The following PTPRM variants were observed in gnomAD, a reference collection of about 807,000 sequenced individuals.
The protein encoded by PTPRM is receptor-type tyrosine-protein phosphatase mu.
In PTPRM, 47 loss-of-function variants were observed where a neutral mutation model predicts 186.7. The ratio of observed to expected loss-of-function variants is 0.25; its 90% CI spans 0.20 to 0.32. PTPRM has a LOEUF of 0.32. Among genes scored for constraint, PTPRM ranks in the 10% least tolerant of loss-of-function variants. The pLI, the probability that PTPRM is intolerant of heterozygous loss-of-function variation, is 1.00. For synonymous variants in PTPRM, 668 were observed against 674.9 expected (o/e 0.99, Z 0.16); for missense variants, 1,494 against 1,865.0 (o/e 0.80, Z 3.66).
At chr18:8,312,417 G>A (rs613545) in intron 20 of PTPRM, among the ~76,000 whole-genome samples, 33,972 of 151,894 alleles carry the variant, frequency 0.22, 5,528 homozygotes, top group African/African-American at 0.45. Flanking sequence ...TCTGACTGCC[G>A]GTGAGTCTGT....
At chr18:8,102,876 C>G (rs1481446446) in intron 11 of PTPRM, among the ~76,000 whole-genome samples, 1 of 152,130 alleles carries the variant, frequency 6.6e-6, no homozygotes, top group East Asian at 1.9e-4. Flanking sequence ...TATAATAAGA[C>G]ATGAAAGTTA....
intron 19 of PTPRM, among the ~76,000 whole-genome samples, chr18:8,275,055 G>C (rs541719181): frequency 5.8e-4 from 89 of 152,292 alleles, no homozygotes; most frequent in African/African-American, 2.1e-3. Flanking sequence ...GCTAGATTTT[G>C]AAATCGTTAT....
At chr18:7,614,607 T>A (rs1347686961) in intron 1 of PTPRM, among the ~76,000 whole-genome samples, 1 of 152,240 alleles carries the variant, frequency 6.6e-6, no homozygotes, top group African/African-American at 2.4e-5. Flanking sequence ...TGTTTAATAA[T>A]CTGACTTTTA....
intron 1 of PTPRM, among the ~76,000 whole-genome samples, chr18:7,732,212 C>A (rs1170924280): frequency 6.6e-6 from 1 of 152,164 alleles, no homozygotes; most frequent in Non-Finnish European, 1.5e-5. Flanking sequence ...ATACCTTCCC[C>A]AGCCCTGGCC....
At chr18:7,806,908 T>A (rs1265639151) in intron 2 of PTPRM, among the ~76,000 whole-genome samples, 1 of 152,210 alleles carries the variant, frequency 6.6e-6, no homozygotes, top group Non-Finnish European at 1.5e-5. Context: ...CTTTGTTTTC[T>A]TTTTCTTTTT....
chr18:7,589,659 G>A (rs1162486969), intron 1 of PTPRM, among the ~76,000 whole-genome samples: 2 of 152,132 alleles, frequency 1.3e-5, no homozygotes, highest in Non-Finnish European at 2.9e-5. Flanking sequence ...GGCAAATACT[G>A]TATGTCTCTC....
intron 8 of PTPRM, among the ~76,000 whole-genome samples, chr18:8,074,506 A>G (rs2148471531): frequency 6.6e-6 from 1 of 152,280 alleles, no homozygotes; most frequent in East Asian, 1.9e-4. Context: ...TAGCGGCATG[A>G]CTTTACCTTC....
chr18:7,587,964 A>G (rs867398904), intron 1 of PTPRM, among the ~76,000 whole-genome samples: 2 of 152,180 alleles, frequency 1.3e-5, no homozygotes, highest in South Asian at 2.1e-4. Context: ...AAAAGAAATG[A>G]TATGACAGAT....
chr18:8,343,244 A>G (rs752962726), intron 22 of PTPRM, among the ~76,000 whole-genome samples, 179 bp from the exon 23 acceptor site: 1 of 152,224 alleles, frequency 6.6e-6, no homozygotes, highest in African/African-American at 2.4e-5. Flanking sequence ...CAAATTTGAT[A>G]TTTCTATAGG....
intron 15 of PTPRM, among the ~76,000 whole-genome samples, chr18:8,246,516 G>C (rs1273769034): frequency 6.6e-6 from 1 of 152,020 alleles, no homozygotes; most frequent in Non-Finnish European, 1.5e-5. Context: ...TTGACAGGAA[G>C]GTGAAGATAA....
intron 23 of PTPRM, among the ~76,000 whole-genome samples, chr18:8,361,787 C>G (rs552656934): frequency 1.3e-5 from 2 of 152,180 alleles, no homozygotes; most frequent in Non-Finnish European, 1.5e-5. Flanking sequence ...TAGGATTAGC[C>G]CCAAGCCCTC....
intron 2 of PTPRM, among the ~76,000 whole-genome samples, chr18:7,798,581 C>A (rs1205362612): frequency 6.6e-6 from 1 of 151,568 alleles, no homozygotes; most frequent in African/African-American, 2.4e-5. Context: ...ATCACAATTA[C>A]AAACAAAACT....
chr18:7,831,246 A>C (rs1212802574), intron 2 of PTPRM, among the ~76,000 whole-genome samples: 1 of 152,152 alleles, frequency 6.6e-6, no homozygotes, highest in African/African-American at 2.4e-5. Flanking sequence ...CTTTGAAATA[A>C]ATCTCTTGGG....
intron 13 of PTPRM, among the ~76,000 whole-genome samples, chr18:8,119,172 A>G (rs1322720891): frequency 1.3e-5 from 2 of 152,210 alleles, no homozygotes; most frequent in Non-Finnish European, 2.9e-5. Flanking sequence ...TGGAATGTGA[A>G]TATGGCTTAT....
chr18:7,820,442 C>A (rs1037388410), intron 2 of PTPRM, among the ~76,000 whole-genome samples: 3 of 152,202 alleles, frequency 2.0e-5, no homozygotes, highest in Non-Finnish European at 4.4e-5. Context: ...CAATAACCCC[C>A]AAATCCATTC....
intron 1 of PTPRM, among the ~76,000 whole-genome samples, chr18:7,606,638 C>T (rs1336656883): frequency 6.6e-6 from 1 of 152,190 alleles, no homozygotes; most frequent in African/African-American, 2.4e-5. Context: ...TGGTGACTTA[C>T]AGGTCCTGCT....
At chr18:8,118,341 G>C (rs2092034486) in intron 13 of PTPRM, among the ~76,000 whole-genome samples, 1 of 151,990 alleles carries the variant, frequency 6.6e-6, no homozygotes, top group Admixed American at 6.6e-5. Flanking sequence ...GTTTTTTTGG[G>C]TTTTGATATA....
intron 7 of PTPRM, among the ~76,000 whole-genome samples, chr18:7,991,620 T>G (rs2083273510): frequency 6.6e-6 from 1 of 152,190 alleles, no homozygotes; most frequent in Non-Finnish European, 1.5e-5. Context: ...AGATTTATAT[T>G]TTCAGTAGCA....
intron 1 of PTPRM, among the ~76,000 whole-genome samples, chr18:7,670,981 T>A (rs895386883): frequency 1.3e-5 from 2 of 152,240 alleles, no homozygotes; most frequent in Non-Finnish European, 2.9e-5. Context: ...ACATTACATT[T>A]TTGTCTTTAA....
Sources: gnomAD v4.1 joint callset for allele counts (sites outside exome capture counted in the v4.1 genomes callset) on GRCh38, gnomAD v4.1.1 for gene constraint, MANE v1.5 for transcripts, NCBI Gene and HGNC (gene_info 2026-07-23, HGNC 2026-07-21) for gene names.